The following TBL1XR1 variants were observed in gnomAD, a reference collection of about 807,000 sequenced individuals.
TBL1XR1 encodes the protein TBL1X/Y related 1.
A neutral mutation model predicts 66.9 loss-of-function variants in TBL1XR1; 5 were observed. The observed-to-expected ratio is 0.07, with a 90% CI of 0.04 to 0.16. The LOEUF (loss-of-function observed/expected upper bound fraction) is 0.16, where lower values mean the gene tolerates loss of function less well. Among genes scored for constraint, TBL1XR1 ranks in the 10% least tolerant of loss-of-function variants. TBL1XR1 has a pLI of 1.00. For missense variants in TBL1XR1, 238 were observed against 623.2 expected, an observed-to-expected ratio of 0.38 and a Z score of 6.58; for synonymous variants, 210 against 206.0, an observed-to-expected ratio of 1.02 and a Z score of -0.17.
rs2108436148 is a variant in TBL1XR1 at position 177,038,081 on chromosome 3, C to T, written c.1122+17G>A. The T allele has an allele frequency of 2.5e-6, 4 of 1,610,902 alleles. No individual in the cohort carries two copies. In the East Asian group the frequency reaches 8.9e-5, roughly 36 times the overall value. On this transcript the variant is annotated intron_variant, in intron 12 of 15. Transcript: ENST00000457928. ...GTGTGACACCGCCAACCCATTTCTC[C>T]CTACTAAGCAAATTACCTTTAAAGT... is the stretch of plus-strand genomic sequence containing the variant.
At chr3:177,140,154 A>T (rs1253600313) in intron 1 of TBL1XR1, among the ~76,000 whole-genome samples, 1 of 152,122 alleles carries the variant, frequency 6.6e-6, no homozygotes, top group East Asian at 1.9e-4. Context: ...TACAAAAATT[A>T]GCTGGGCGTG....
chr3:177,147,675 A>G (rs1730419560), intron 1 of TBL1XR1, among the ~76,000 whole-genome samples: 1 of 152,202 alleles, frequency 6.6e-6, no homozygotes, highest in Admixed American at 6.5e-5. Context: ...GAGGAAAATT[A>G]GCAAAAATCA....
At position 177,024,679 on chromosome 3, in the gene TBL1XR1, T is replaced by C. The variant is rs1263294718; in HGVS notation, c.*819A>G. 4.2e-5 allele frequency: 6 copies of C among 144,420 alleles called. No individual in the cohort carries two copies. The highest frequency in any genetic ancestry group is 2.1e-4 in the Admixed American group (3 of 14,300). 8.9% of individuals were successfully genotyped at this position (144,420 alleles called of 1,614,324 possible). ...GAAATATGTCCCAAAAAAGAAACTA[T>C]TGCATTTAAGCCACATCACCAAAAA... is the stretch of plus-strand genomic sequence containing the variant. On this transcript the variant is annotated 3_prime_UTR_variant, in exon 16 of 16. Transcript: ENST00000457928.
intron 2 of TBL1XR1, among the ~76,000 whole-genome samples, chr3:177,078,069 T>C (rs1042248741): frequency 1.3e-5 from 2 of 152,194 alleles, no homozygotes. Flanking sequence ...AGTGTTAACA[T>C]TATTATGATG....
intron 1 of TBL1XR1, among the ~76,000 whole-genome samples, chr3:177,164,639 C>G (rs943747869): frequency 6.6e-6 from 1 of 152,144 alleles, no homozygotes; most frequent in Non-Finnish European, 1.5e-5. Flanking sequence ...TGAGCCACTG[C>G]GCCCAGCCTA....
chr3:177,174,877 A>T (rs1733978469), intron 1 of TBL1XR1, among the ~76,000 whole-genome samples: 1 of 152,142 alleles, frequency 6.6e-6, no homozygotes, highest in Non-Finnish European at 1.5e-5. Flanking sequence ...ACTAGTTCCT[A>T]TTACGGTCAG....
chr3:177,040,473 A>C (rs879733239), intron 10 of TBL1XR1, among the ~76,000 whole-genome samples: 6 of 152,244 alleles, frequency 3.9e-5, no homozygotes, highest in Non-Finnish European at 5.9e-5. Flanking sequence ...GCTATGTTAA[A>C]AATGAAACAT....
At chr3:177,086,415 C>CG (rs1217958420) in intron 2 of TBL1XR1, among the ~76,000 whole-genome samples, 2 of 151,378 alleles carry the variant, frequency 1.3e-5, no homozygotes, top group African/African-American at 4.9e-5. Flanking sequence ...AGACATGAAA[C>CG]GGTGGGGGAG....
intron 1 of TBL1XR1, among the ~76,000 whole-genome samples, chr3:177,102,186 CTTCA>C (rs544130645): frequency 1.1e-3 from 161 of 152,238 alleles, no homozygotes; most frequent in Admixed American, 2.1e-3. Flanking sequence ...CTACCTTTGT[CTTCA>C]TTCATTCATT....
intron 10 of TBL1XR1, among the ~76,000 whole-genome samples, chr3:177,039,813 A>C (rs116402340): frequency 0.01 from 1,551 of 152,258 alleles, 27 homozygotes; most frequent in Admixed American, 0.011. Flanking sequence ...ATGTGGAAAA[A>C]TGAGATTTAA....
chr3:177,044,429 A>C lies in TBL1XR1; in HGVS notation c.925+1700T>G, dbSNP rs149774585. Among the ~76,000 whole-genome samples, 456 of 152,284 alleles carry C rather than the reference A, an allele frequency of 3.0e-3. 1 individual carries two copies. Among genetic ancestry groups the C allele is most frequent in the Non-Finnish European group, 5.1e-3 (347 of 68,020 alleles). On this transcript the variant is annotated intron_variant, in intron 10 of 15. Transcript: ENST00000457928. ...ATTTTGTATATTGCAGGAATTAAAA[A>C]TTATGCAGAATGAAGACAGACCAAA...
intron 12 of TBL1XR1, chr3:177,037,415 T>TG: frequency 6.6e-6 from 1 of 152,312 alleles, no homozygotes; most frequent in South Asian, 2.1e-4. Context: ...GGTGAGACAT[T>TG]ATTTCCGGCT....
At chr3:177,061,341 C>G (rs906055580) in intron 3 of TBL1XR1, among the ~76,000 whole-genome samples, 1 of 152,188 alleles carries the variant, frequency 6.6e-6, no homozygotes, top group East Asian at 1.9e-4. Context: ...AATATTTAAG[C>G]CTAAAACAAT....
chr3:177,137,991 C>T (rs1034372883), intron 1 of TBL1XR1, among the ~76,000 whole-genome samples: 1 of 152,076 alleles, frequency 6.6e-6, no homozygotes, highest in Non-Finnish European at 1.5e-5. Context: ...GAAACAACAG[C>T]ACTGTTGCAA....
At chr3:177,164,389 G>A (rs1017562569) in intron 1 of TBL1XR1, among the ~76,000 whole-genome samples, 17 of 145,926 alleles carry the variant, frequency 1.2e-4, no homozygotes, top group Non-Finnish European at 2.2e-4. Context: ...CTTGCCTGTC[G>A]CCCAGGCTGG....
rs370044859 is a variant in TBL1XR1, at chr3:177,108,837, T to C, written c.-121-10296A>G. ...AGACTGGTCCTGGAAATGCGTCCTCTTTGCCAGAGCAAATAGAAGGAAGGA... is the reference window on the plus strand; with the variant it reads ...AGACTGGTCCTGGAAATGCGTCCTCCTTGCCAGAGCAAATAGAAGGAAGGA... On this transcript the variant is annotated intron_variant, in intron 1 of 15. Transcript: ENST00000457928. Among the ~76,000 whole-genome samples, 4 of 152,232 alleles carry C rather than the reference T, an allele frequency of 2.6e-5. No individual in the cohort carries two copies. In the East Asian group the frequency reaches 5.8e-4, roughly 22 times the overall value.
At chr3:177,080,196 A>G (rs1721224404) in intron 2 of TBL1XR1, among the ~76,000 whole-genome samples, 1 of 152,228 alleles carries the variant, frequency 6.6e-6, no homozygotes, top group Admixed American at 6.5e-5. Flanking sequence ...TTGCTTTCTA[A>G]CTTTTAACTG....
intron 10 of TBL1XR1, chr3:177,044,752 T>G (rs1716089283): frequency 6.6e-6 from 1 of 152,168 alleles, no homozygotes; most frequent in Non-Finnish European, 1.5e-5. Context: ...GTAAAAATAC[T>G]TTGATACTAT....
Position 177,193,260 on chromosome 3 carries a change from T to C in TBL1XR1, c.-122+3861A>G, listed in dbSNP as rs549466535. On this transcript the variant is annotated intron_variant, in intron 1 of 15. Transcript: ENST00000457928. ...ATAGAGCCTGAGTTTGAACTCACTT[T>C]AACCACTATGCTACAACACAAAGAC... Among the ~76,000 whole-genome samples, 7 of 152,276 alleles carry C rather than the reference T, an allele frequency of 4.6e-5. No individual in the cohort carries two copies. The East Asian group carries it at 1.4e-3, about 29-fold the overall frequency.
Sources: gnomAD v4.1 joint callset for allele counts (sites outside exome capture counted in the v4.1 genomes callset) on GRCh38, gnomAD v4.1.1 for gene constraint, MANE v1.5 for transcripts, NCBI Gene and HGNC (gene_info 2026-07-23, HGNC 2026-07-21) for gene names.